Variants in SLC4A4 observed in about 807,000 individuals in gnomAD.
The protein encoded by SLC4A4 is electrogenic sodium bicarbonate cotransporter 1.
SLC4A4 carries 27 observed loss-of-function variants against 111.5 expected under a neutral mutation model. The observed-to-expected ratio is 0.24, with a 90% CI of 0.18 to 0.33. SLC4A4 has a LOEUF of 0.33. SLC4A4 is among the 10% of genes least tolerant of loss of function. SLC4A4 has a pLI of 1.00. For missense variants in SLC4A4, 909 were observed against 1,315.5 expected, an observed-to-expected ratio of 0.69 and a Z score of 4.78; for synonymous variants, 443 against 463.4, an observed-to-expected ratio of 0.96 and a Z score of 0.57.
chr4:71,147,299 C>T (rs1271625377), intron 2 of SLC4A4, among the ~76,000 whole-genome samples: 1 of 151,972 alleles, frequency 6.6e-6, no homozygotes, highest in East Asian at 1.9e-4. Context: ...CTTCCTTCTC[C>T]TTTATGTTTG....
At chr4:71,566,915 A>G in intron 24 of SLC4A4, 89 bp from the exon 25 acceptor site, 1 of 979,816 alleles carries the variant, frequency 1.0e-6, no homozygotes, top group Non-Finnish European at 1.6e-6. Flanking sequence ...CTTACCAGTT[A>G]TGGAAGATGC....
At chr4:71,087,625 A>G (rs1245265850) in intron 1 of SLC4A4, among the ~76,000 whole-genome samples, 2 of 152,046 alleles carry the variant, frequency 1.3e-5, no homozygotes, top group Non-Finnish European at 2.9e-5. Flanking sequence ...CATTGGTTTC[A>G]AAGAACATCT....
intron 16 of SLC4A4, among the ~76,000 whole-genome samples, chr4:71,502,104 G>A (rs1730991453): frequency 6.6e-6 from 1 of 152,312 alleles, no homozygotes; most frequent in Non-Finnish European, 1.5e-5. Context: ...TGGGATTACA[G>A]GCGCTTGCCA....
At chr4:71,361,183 T>C (rs1730748484) in intron 6 of SLC4A4, among the ~76,000 whole-genome samples, 1 of 152,200 alleles carries the variant, frequency 6.6e-6, no homozygotes, top group Admixed American at 6.5e-5. Flanking sequence ...AATCAATGCA[T>C]ACACATACTC....
At chr4:71,378,961 C>T (rs1717817811) in intron 6 of SLC4A4, among the ~76,000 whole-genome samples, 1 of 152,146 alleles carries the variant, frequency 6.6e-6, no homozygotes, top group Non-Finnish European at 1.5e-5. Flanking sequence ...CCTTCAGTAA[C>T]CATACTCTTC....
chr4:71,487,627 A>G (rs1474317716), intron 15 of SLC4A4, among the ~76,000 whole-genome samples: 1 of 151,660 alleles, frequency 6.6e-6, no homozygotes, highest in Admixed American at 6.6e-5. Flanking sequence ...GCTGTTTCAG[A>G]CTTCCAATTG....
At chr4:71,153,010 T>C (rs556903204) in intron 2 of SLC4A4, among the ~76,000 whole-genome samples, 1 of 142,572 alleles carries the variant, frequency 7.0e-6, no homozygotes, top group Non-Finnish European at 1.5e-5. Flanking sequence ...TATATATGTG[T>C]ATATATATAA....
rs148989046 is a variant in SLC4A4 at position 71,214,076 on chromosome 4, G to C, written c.-1-22500G>C. ...ACTTAGCATCCCAATCATTTTTCTT[G>C]ACATGGCCCCCAGGTACCCAGATGT... On this transcript the variant is annotated intron_variant, in intron 1 of 25. Transcript: ENST00000264485. Among the ~76,000 whole-genome samples the C allele has an allele frequency of 3.7e-4, 57 of 152,182 alleles. 1 individual carries two copies. The Middle Eastern group carries it at 0.017, about 45-fold the overall frequency.
chr4:71,073,857 G>A (rs772943826), intron 1 of SLC4A4, among the ~76,000 whole-genome samples: 1 of 152,056 alleles, frequency 6.6e-6, no homozygotes, highest in Non-Finnish European at 1.5e-5. Context: ...GCTGAGGCGG[G>A]TTGACCACTT....
intron 2 of SLC4A4, among the ~76,000 whole-genome samples, chr4:71,168,606 C>A (rs1744848779): frequency 6.6e-6 from 1 of 151,674 alleles, no homozygotes; most frequent in African/African-American, 2.4e-5. Context: ...TCCCCCACCA[C>A]CCCCACTACC....
At chr4:71,547,960 C>T (rs1414083308) in intron 20 of SLC4A4, among the ~76,000 whole-genome samples, 1 of 151,872 alleles carries the variant, frequency 6.6e-6, no homozygotes, top group Non-Finnish European at 1.5e-5. Flanking sequence ...ATTAAATTAA[C>T]AATATCCAAA....
At chr4:71,077,990 A>G (rs1367320251) in intron 1 of SLC4A4, among the ~76,000 whole-genome samples, 1 of 152,186 alleles carries the variant, frequency 6.6e-6, no homozygotes, top group East Asian at 1.9e-4. Context: ...AGGAAAATAT[A>G]TGTACAGATA....
At chr4:71,472,625 A>G in intron 13 of SLC4A4, 74 bp from the exon 14 acceptor site, 1 of 1,456,074 alleles carries the variant, frequency 6.9e-7, no homozygotes, top group South Asian at 1.2e-5. Context: ...CTTTCTGTAG[A>G]CATTTGGTAG....
intron 1 of SLC4A4, among the ~76,000 whole-genome samples, chr4:71,217,111 C>A (rs1718475226): frequency 6.6e-6 from 1 of 152,074 alleles, no homozygotes. Context: ...CAAGAAATAC[C>A]ACTTTAGATT....
At chr4:71,252,457 C>T (rs1031987921) in intron 2 of SLC4A4, among the ~76,000 whole-genome samples, 3 of 152,122 alleles carry the variant, frequency 2.0e-5, no homozygotes, top group Non-Finnish European at 4.4e-5. Flanking sequence ...GAACTATGTT[C>T]CTTGTCCTCT....
At chr4:71,249,870 C>T (rs187580423) in intron 2 of SLC4A4, among the ~76,000 whole-genome samples, 1,973 of 138,156 alleles carry the variant, frequency 0.014, 30 homozygotes, top group African/African-American at 0.043. Context: ...GGCAACAGAG[C>T]GAGACTCTGT....
intron 2 of SLC4A4, among the ~76,000 whole-genome samples, chr4:71,175,234 G>A (rs1043200703): frequency 8.5e-5 from 13 of 152,292 alleles, no homozygotes; most frequent in African/African-American, 3.1e-4. Flanking sequence ...GGCTGAATAG[G>A]AACAGCTCCA....
Position 71,428,506 on chromosome 4 carries a change from A to G in SLC4A4, c.808-12110A>G, listed in dbSNP as rs1041117507. ...TGATCTTACTTTACTACTGATACAG[A>G]TACCTTCTGCAATGGAAGGTCGTGG... On this transcript the variant is annotated intron_variant, in intron 7 of 25. Transcript: ENST00000264485. Among the ~76,000 whole-genome samples the G allele has an allele frequency of 9.9e-5, 15 of 152,198 alleles. No individual in the cohort carries two copies. In the East Asian group the frequency reaches 2.7e-3, roughly 27 times the overall value.
intron 3 of SLC4A4, among the ~76,000 whole-genome samples, chr4:71,326,148 A>G (rs1727484901): frequency 6.6e-6 from 1 of 151,898 alleles, no homozygotes; most frequent in Non-Finnish European, 1.5e-5. Context: ...ATCCCAATAA[A>G]CATTAGCACA....
Sources: gnomAD v4.1 joint callset for allele counts (sites outside exome capture counted in the v4.1 genomes callset) on GRCh38, gnomAD v4.1.1 for gene constraint, MANE v1.5 for transcripts, NCBI Gene and HGNC (gene_info 2026-07-23, HGNC 2026-07-21) for gene names.